PCDHGA11: variants seen among roughly 807,000 people sequenced by gnomAD.
The protein encoded by PCDHGA11 is protocadherin gamma subfamily A, 11, also known as protocadherin gamma-A11.
A neutral mutation model predicts 60.4 loss-of-function variants in PCDHGA11; 39 were observed. The ratio of observed to expected loss-of-function variants is 0.65; its 90% CI spans 0.50 to 0.84. The LOEUF is 0.84. Among genes scored for constraint, PCDHGA11 ranks in the 40% least tolerant of loss-of-function variants. The pLI is 0.00. For missense variants in PCDHGA11, 1,165 were observed against 1,197.7 expected, an observed-to-expected ratio of 0.97 and a Z score of 0.40; for synonymous variants, 533 against 510.3, an observed-to-expected ratio of 1.04 and a Z score of -0.60.
chr5:141,445,608 C>T (rs2098472204), intron 1 of PCDHGA11, among the ~76,000 whole-genome samples: 1 of 152,108 alleles, frequency 6.6e-6, no homozygotes, highest in South Asian at 2.1e-4. Context: ...TCAAGGAAGG[C>T]TTTCTTTTTT....
In PCDHGA11 at chr5:141,491,723, G is replaced by A. The variant is rs764792125; in HGVS notation, c.2434-3084G>A. The A allele has an allele frequency of 1.7e-5, 27 of 1,606,770 alleles. No individual in the cohort carries two copies. In the African/African-American group the frequency reaches 3.2e-4, roughly 19 times the overall value. On this transcript the variant is annotated intron_variant, in intron 1 of 3. Coordinates refer to ENST00000398587, the MANE Select transcript of PCDHGA11 (RefSeq NM_018914.3). The surrounding 1 kb of genome is among the most constrained non-coding windows in gnomAD (Gnocchi z 6.9). The stretch of plus-strand genomic sequence containing the variant: ...CAGGTGAGGGGCTCGGCGCCGCCCC[G>A]GGCGACCCCTGGGGGCGGCACTGGA...
At position 141,423,034 on chromosome 5, in the gene PCDHGA11, G is replaced by A. The variant is rs769232324; in HGVS notation, c.1807G>A (p.Ala603Thr). 1 of 1,614,200 alleles carries A rather than the reference G, an allele frequency of 6.2e-7. No individual in the cohort carries two copies. Among genetic ancestry groups the A allele is most frequent in the Non-Finnish European group, 8.5e-7 (1 of 1,180,042 alleles). ...VAVDKDSGQN[A>T]WLSYRLLKAS... ...GGTGGACAAAGATTCAGGCCAGAAC[G>A]CCTGGCTGTCCTATCGCCTGCTTAA... is the stretch of plus-strand genomic sequence containing the variant. The change falls in exon 1 of 4, where the codon GCC (alanine) becomes ACC (threonine). Residue 603 changes from alanine (A) to threonine (T), a missense_variant. Physicochemically the swap from Ala to Thr is moderately conservative, Grantham distance 58. Transcript: ENST00000398587.
In PCDHGA11 at chr5:141,477,176, G is replaced by C. The variant is rs766547728; in HGVS notation, c.2434-17631G>C. On this transcript the variant is annotated intron_variant, in intron 1 of 3. Coordinates refer to ENST00000398587, the MANE Select transcript of PCDHGA11 (RefSeq NM_018914.3). This position sits in a 1 kb window ranked among gnomAD's most constrained non-coding sequence, Gnocchi z 4.9. ...GAATGACAACGCCCCGGAGATCACAGTCACCTCCGTGTACAGCCCAGTACC... is the reference window on the plus strand; with the variant it reads ...GAATGACAACGCCCCGGAGATCACACTCACCTCCGTGTACAGCCCAGTACC... The C allele has an allele frequency of 1.2e-6, 2 of 1,614,206 alleles. No individual in the cohort carries two copies. The highest frequency in any genetic ancestry group is 3.3e-5 in the Admixed American group (2 of 60,024).
intron 1 of PCDHGA11, chr5:141,471,227 T>C (rs2099253010): frequency 6.6e-6 from 1 of 151,604 alleles, no homozygotes; most frequent in Admixed American, 6.6e-5. Flanking sequence ...TTTTTTGTAT[T>C]TTTAGTAGAG....
At chr5:141,450,147 C>T (rs1322871298) in intron 1 of PCDHGA11, among the ~76,000 whole-genome samples, 2 of 151,774 alleles carry the variant, frequency 1.3e-5, no homozygotes, top group African/African-American at 4.8e-5. Context: ...GCTGGGACTA[C>T]AGGCATGTGC....
intron 1 of PCDHGA11, among the ~76,000 whole-genome samples, chr5:141,444,408 T>G (rs1591815532): frequency 6.6e-6 from 1 of 152,124 alleles, no homozygotes; most frequent in East Asian, 1.9e-4. Context: ...CAACCTCAGG[T>G]GATCTTCCCT....
rs769320490 is a variant in PCDHGA11, at chr5:141,423,119, G to T, written c.1892G>T (p.Arg631Leu). ...GEHTGEVRTARALLDRDALKQ... is the reference protein window; with the variant it reads ...GEHTGEVRTALALLDRDALKQ... ...CACACGGGCGAGGTGCGTACAGCGCGGGCACTGCTGGACAGAGACGCGCTC... is the reference window on the plus strand; with the variant it reads ...CACACGGGCGAGGTGCGTACAGCGCTGGCACTGCTGGACAGAGACGCGCTC... The change falls in exon 1 of 4, where the codon CGG becomes CTG. Residue 631 changes from arginine to leucine, a missense_variant. Arg to Leu is a moderately radical substitution (Grantham distance 102, BLOSUM62 -2). Coordinates refer to ENST00000398587, the MANE Select transcript of PCDHGA11 (RefSeq NM_018914.3). 1.2e-6 allele frequency: 2 copies of T among 1,613,774 alleles called. No individual in the cohort carries two copies. Among genetic ancestry groups the T allele is most frequent in the Non-Finnish European group, 1.7e-6 (2 of 1,179,966 alleles).
Position 141,431,300 on chromosome 5 carries a change from A to G in PCDHGA11, c.2433+7640A>G, listed in dbSNP as rs200375087. 7.4e-6 allele frequency: 12 copies of G among 1,614,008 alleles called. No homozygotes were observed. Among genetic ancestry groups the G allele is most frequent in the Admixed American group, 1.7e-5 (1 of 60,010 alleles). ...CAGCCCGAACACTCACTTCTCCCTC[A>G]TCGTGCAAAATGGAGCCGACGGTAG... On this transcript the variant is annotated intron_variant, in intron 1 of 3. Coordinates refer to ENST00000398587, the MANE Select transcript of PCDHGA11 (RefSeq NM_018914.3). This position sits in a 1 kb window ranked among gnomAD's most constrained non-coding sequence, Gnocchi z 4.8.
rs1025148587 is a variant in PCDHGA11, at chr5:141,431,434, C to T, written c.2433+7774C>T. ...GGGGCGACCCGGTGCGCACAGGCAC[C>T]GCGCGCATCCGCGTGATGGTTCTGG... On this transcript the variant is annotated intron_variant, in intron 1 of 3. Transcript: ENST00000398587. This position sits in a 1 kb window ranked among gnomAD's most constrained non-coding sequence, Gnocchi z 4.8. The T allele has an allele frequency of 6.2e-7, 1 of 1,613,690 alleles. No homozygotes were observed. The highest frequency in any genetic ancestry group is 1.3e-5 in the African/African-American group (1 of 75,072).
At chr5:141,456,918 G>C (rs535602842) in intron 1 of PCDHGA11, among the ~76,000 whole-genome samples, 49 of 152,124 alleles carry the variant, frequency 3.2e-4, no homozygotes, top group African/African-American at 1.2e-3. Context: ...AGCCGAGATC[G>C]CACCACTGCA....
chr5:141,505,602 A>G lies in PCDHGA11; in HGVS notation c.2581+121A>G, dbSNP rs1041288927. 4.6e-5 allele frequency: 71 copies of G among 1,534,990 alleles called. 1 individual carries two copies. In the Admixed American group the frequency reaches 1.4e-3, roughly 30 times the overall value. On this transcript the variant is annotated intron_variant, in intron 3 of 3. Coordinates refer to ENST00000398587, the MANE Select transcript of PCDHGA11 (RefSeq NM_018914.3). ...GTGTAGTTTCTCCAGATCTTTCGGC[A>G]GGTCTGAAAGGACCCACAATTCCAA...
At chr5:141,488,620 C>A (rs1271344928) in intron 1 of PCDHGA11, among the ~76,000 whole-genome samples, 1 of 152,164 alleles carries the variant, frequency 6.6e-6, no homozygotes, top group East Asian at 1.9e-4. Context: ...CTAATCTTTT[C>A]TCTCACCTTA....
chr5:141,471,730 G>A (rs535784858), intron 1 of PCDHGA11, among the ~76,000 whole-genome samples: 1 of 152,292 alleles, frequency 6.6e-6, no homozygotes, highest in East Asian at 1.9e-4. Context: ...GGTAAGGAAG[G>A]TTGGAGACAT....
At chr5:141,454,796 A>ATTTTTTTTTTTTTTTTTTTTTTTT (rs61612330) in intron 1 of PCDHGA11, among the ~76,000 whole-genome samples, 4 of 77,456 alleles carry the variant, frequency 5.2e-5, no homozygotes, top group Non-Finnish European at 9.3e-5. Flanking sequence ...CATGGTTCTA[A>ATTTTTTTTTTTTTTTTTTTTTTTT]TTTTTTTTTT....
At chr5:141,510,873 T>A in intron 3 of PCDHGA11, 74 bp from the exon 4 acceptor site, 1 of 1,609,964 alleles carries the variant, frequency 6.2e-7, no homozygotes, top group Non-Finnish European at 8.5e-7. Flanking sequence ...ATTCATTAAC[T>A]GCTGGGGATA....
rs911954966 is a variant in PCDHGA11, at chr5:141,491,081, C to G, written c.2434-3726C>G. On this transcript the variant is annotated intron_variant, in intron 1 of 3. Coordinates refer to ENST00000398587, the MANE Select transcript of PCDHGA11 (RefSeq NM_018914.3). This position sits in a 1 kb window ranked among gnomAD's most constrained non-coding sequence, Gnocchi z 6.9. ...TCCTACTCACTGTTGCCACAGTCCACAGCCCCAGGACTGTTCCTCGTGTCT... is the reference window on the plus strand; with the variant it reads ...TCCTACTCACTGTTGCCACAGTCCAGAGCCCCAGGACTGTTCCTCGTGTCT... The G allele has an allele frequency of 4.3e-6, 7 of 1,614,176 alleles. No individual in the cohort carries two copies. Among genetic ancestry groups the G allele is most frequent in the Non-Finnish European group, 5.9e-6 (7 of 1,180,010 alleles).
In PCDHGA11 at chr5:141,511,346, C is replaced by T; in HGVS notation, c.*173C>T. 7.1e-7 allele frequency: 1 copy of T among 1,400,168 alleles called. No homozygotes were observed. The allele number at this position is 1,400,168 out of a possible 1,614,324, so 86.7% of individuals were successfully genotyped here. A position where few individuals can be genotyped will look rare whatever the true frequency, so the allele number is the denominator to read the frequency against. On this transcript the variant is annotated 3_prime_UTR_variant, in exon 4 of 4. Transcript: ENST00000398587. ...AGTGCCCAGTCAGCACCTACCCCTT[C>T]CCCCCCAGGGGGTTGAATATGCAAA...
chr5:141,511,093 G>A lies in PCDHGA11; in HGVS notation c.2728G>A (p.Ala910Thr), dbSNP rs377350933. The change falls in exon 4 of 4, where the codon GCA (alanine) becomes ACA (threonine). Residue 910 changes from alanine to threonine, a missense_variant. Physicochemically the swap from Ala to Thr is moderately conservative, Grantham distance 58. Coordinates refer to ENST00000398587, the MANE Select transcript of PCDHGA11 (RefSeq NM_018914.3). Reference protein sequence around the residue: ...IPGSNATLTNAAGKRDGKAPA... With the variant: ...IPGSNATLTNTAGKRDGKAPA... ...AGGCAGCAATGCCACACTGACCAACGCAGCTGGCAAGCGGGATGGCAAGGC... is the reference window on the plus strand; with the variant it reads ...AGGCAGCAATGCCACACTGACCAACACAGCTGGCAAGCGGGATGGCAAGGC... 8 of 1,614,072 alleles carry A rather than the reference G, an allele frequency of 5.0e-6. No individual in the cohort carries two copies. Among genetic ancestry groups the A allele is most frequent in the African/African-American group, 4.0e-5 (3 of 74,916 alleles).
intron 1 of PCDHGA11, among the ~76,000 whole-genome samples, chr5:141,435,134 A>G (rs1190517186): frequency 6.6e-6 from 1 of 152,190 alleles, no homozygotes; most frequent in Non-Finnish European, 1.5e-5. Context: ...GAAAATATAA[A>G]TAAAATTGTG....
Sources: allele counts gnomAD v4.1 joint callset (sites outside exome capture counted in the v4.1 genomes callset), GRCh38; gene constraint gnomAD v4.1.1; non-coding constraint Gnocchi (gnomAD v3.1); transcripts MANE v1.5; gene names NCBI Gene and HGNC (gene_info 2026-07-23, HGNC 2026-07-21).